SLC23A2: variants seen among roughly 807,000 people sequenced by gnomAD.
SLC23A2 encodes solute carrier family 23 member 2, also known as Na(+)/L-ascorbic acid transporter 2.
In SLC23A2, 36 loss-of-function variants were observed where a neutral mutation model predicts 73.3. That is an observed-to-expected ratio of 0.49 (90% CI 0.38 to 0.65). The LOEUF (loss-of-function observed/expected upper bound fraction) is 0.65, where lower values mean the gene tolerates loss of function less well. Ranked by LOEUF, SLC23A2 falls within the 30% of genes least tolerant of loss-of-function variation. The probability of loss-of-function intolerance (pLI) is 0.00; values close to 1 mark genes in which losing one functional copy is unlikely to be tolerated. For synonymous variants in SLC23A2, 343 were observed against 327.3 expected (o/e 1.05, Z -0.52); for missense variants, 507 against 841.6 (o/e 0.60, Z 4.92).
chr20:4,936,689 C>T (rs760140065), intron 2 of SLC23A2, among the ~76,000 whole-genome samples: 6 of 152,196 alleles, frequency 3.9e-5, no homozygotes, highest in Non-Finnish European at 8.8e-5. Flanking sequence ...CAGCAAACCC[C>T]TCCCCACCGT....
At chr20:4,960,138 C>T (rs1477862121) in intron 2 of SLC23A2, among the ~76,000 whole-genome samples, 1 of 152,182 alleles carries the variant, frequency 6.6e-6, no homozygotes, top group Non-Finnish European at 1.5e-5. Context: ...AAACAACATT[C>T]ACCTTTAACT....
chr20:4,869,950 T>C lies in SLC23A2; in HGVS notation c.1206A>G (p.Ala402=), dbSNP rs367624524. The part of the protein sequence containing the change: ...IESIGDYYAC[A]RLSCAPPPPI... ...GGGGGGGTGGGGCACAGGACAGCCG[T>C]GCACAGGCGTAGTAGTCACCAATAG... Residue 402 remains alanine, a synonymous_variant, in exon 12 of 17, where the codon GCA becomes GCG. Transcript: ENST00000338244. 5.6e-6 allele frequency: 9 copies of C among 1,613,644 alleles called. No homozygotes were observed. Among genetic ancestry groups the C allele is most frequent in the Non-Finnish European group, 7.6e-6 (9 of 1,179,858 alleles).
chr20:4,998,256 G>A lies in SLC23A2; in HGVS notation c.-282+3150C>T, dbSNP rs2088056764. Among the ~76,000 whole-genome samples the A allele has an allele frequency of 6.6e-6, 1 of 151,998 alleles. No individual in the cohort carries two copies. Among genetic ancestry groups the A allele is most frequent in the Admixed American group, 6.6e-5 (1 of 15,242 alleles). On this transcript the variant is annotated intron_variant, in intron 1 of 16. Transcript: ENST00000338244. The surrounding 1 kb of genome is among the most constrained non-coding windows in gnomAD (Gnocchi z 4.1). ...CATTGTCCACATCCCTACAGTGTGGGCTCCATGTGGGCTGGGAATCTCCCT... is the reference window on the plus strand; with the variant it reads ...CATTGTCCACATCCCTACAGTGTGGACTCCATGTGGGCTGGGAATCTCCCT...
chr20:4,934,952 T>C (rs1394618345), intron 2 of SLC23A2, among the ~76,000 whole-genome samples: 4 of 147,594 alleles, frequency 2.7e-5, no homozygotes, highest in Non-Finnish European at 6.0e-5. Flanking sequence ...CTTTGGGAGG[T>C]GGAGGTGGGC....
intron 3 of SLC23A2, among the ~76,000 whole-genome samples, chr20:4,927,905 C>T (rs1053898993): frequency 1.3e-5 from 2 of 152,118 alleles, no homozygotes; most frequent in Non-Finnish European, 2.9e-5. Context: ...GGGAAGCGAC[C>T]CACTGTAACT....
In SLC23A2 at chr20:4,862,881, G is replaced by A. The variant is rs756072858; in HGVS notation, c.1383C>T (p.Cys461=). 4.3e-6 allele frequency: 7 copies of A among 1,613,404 alleles called. No homozygotes were observed. The South Asian group carries it at 6.6e-5, about 15-fold the overall frequency. ...TKVGSRRVIQ[C]GAALMLALGM... is the part of the protein sequence containing the mutation. Reference sequence around the variant, plus strand: ...CCAGAGCGAGCATGAGGGCTGCTCCGCACTGTATCACGCGGCGGCTGCCGA... The same window carrying A: ...CCAGAGCGAGCATGAGGGCTGCTCCACACTGTATCACGCGGCGGCTGCCGA... The change falls in exon 14 of 17, where the codon TGC becomes TGT. Residue 461 remains cysteine, a synonymous_variant. Coordinates refer to ENST00000338244, the MANE Select transcript of SLC23A2 (RefSeq NM_005116.6). The surrounding 1 kb of genome is among the most constrained non-coding windows in gnomAD (Gnocchi z 5.1).
At chr20:4,969,980 AAGG>A (rs1350937626) in intron 2 of SLC23A2, among the ~76,000 whole-genome samples, 1 of 152,156 alleles carries the variant, frequency 6.6e-6, no homozygotes, top group Non-Finnish European at 1.5e-5. Context: ...GAAACAACAG[AAGG>A]AGGAAAAAAA....
At chr20:4,972,521 C>G (rs12480138) in intron 1 of SLC23A2, among the ~76,000 whole-genome samples, 59,394 of 149,612 alleles carry the variant, frequency 0.4, 12,034 homozygotes, top group Admixed American at 0.47. Flanking sequence ...AAAATAAAAT[C>G]TCTACACATA....
upstream of SLC23A2, among the ~76,000 whole-genome samples, chr20:5,002,394 T>A (rs764665435): frequency 6.6e-5 from 10 of 152,220 alleles, no homozygotes; most frequent in Non-Finnish European, 1.3e-4. Flanking sequence ...GAATACAATT[T>A]TTTAAATGTT....
chr20:4,925,016 C>CA lies in SLC23A2; in HGVS notation c.108+7438dup, dbSNP rs879292300. Among the ~76,000 whole-genome samples, 293 of 138,338 alleles carry CA rather than the reference C, an allele frequency of 2.1e-3. 4 individuals carry two copies. Among genetic ancestry groups the CA allele is most frequent in the Admixed American group, 4.9e-3 (67 of 13,672 alleles). 90.8% of individuals were successfully genotyped at this position (138,338 alleles called of 152,430 possible). ...TGACATAGTTAAGACCTTGTCTCTACAAAAAAAAAAAATTAAAAATCAGCT... is the reference window on the plus strand; with the variant it reads ...TGACATAGTTAAGACCTTGTCTCTACAAAAAAAAAAAAATTAAAAATCAGCT... On this transcript the variant is annotated intron_variant, in intron 3 of 16. Coordinates refer to ENST00000338244, the MANE Select transcript of SLC23A2 (RefSeq NM_005116.6).
intron 2 of SLC23A2, among the ~76,000 whole-genome samples, chr20:4,956,951 G>C (rs546505512): frequency 6.6e-6 from 1 of 152,094 alleles, no homozygotes; most frequent in Non-Finnish European, 1.5e-5. Context: ...GGGATTACAG[G>C]CATGTGCCAC....
Position 4,883,773 on chromosome 20 carries a change from G to A in SLC23A2, c.693C>T (p.Leu231=), listed in dbSNP as rs34568477. 45,215 of 1,613,560 alleles carry A rather than the reference G, an allele frequency of 0.028. 1,630 individuals are homozygous for A. The highest frequency in any genetic ancestry group is 0.17 in the African/African-American group (12,891 of 74,952). The change falls in exon 9 of 17, where the codon CTC becomes CTT. Residue 231 remains leucine, a synonymous_variant. Transcript: ENST00000338244. The surrounding 1 kb of genome is among the most constrained non-coding windows in gnomAD (Gnocchi z 4.5). ...TCAGTAGAGCCCCAGGCAGGCCGAGGAGGCCGATGACTACTTCTATCAGTG... is the reference window on the plus strand; with the variant it reads ...TCAGTAGAGCCCCAGGCAGGCCGAGAAGGCCGATGACTACTTCTATCAGTG... ...MSSLIEVVIG[L]LGLPGALLKY...
chr20:4,991,132 G>C (rs773691094), intron 1 of SLC23A2, among the ~76,000 whole-genome samples: 2 of 152,022 alleles, frequency 1.3e-5, no homozygotes, highest in Non-Finnish European at 2.9e-5. Context: ...TTTGAGCAGG[G>C]TGTCTCCCTC....
At chr20:5,009,833 C>T (rs1334014524) in intron 1 of SLC23A2, among the ~76,000 whole-genome samples, 1 of 152,138 alleles carries the variant, frequency 6.6e-6, no homozygotes, top group African/African-American at 2.4e-5. Context: ...CGGTGGCTCA[C>T]GCCTGTAATC....
chr20:4,886,491 A>C (rs1296860401), intron 6 of SLC23A2, among the ~76,000 whole-genome samples: 1 of 152,178 alleles, frequency 6.6e-6, no homozygotes, highest in Non-Finnish European at 1.5e-5. Context: ...AAAATACTTA[A>C]AGACATTCTA....
chr20:4,952,421 T>C (rs145306273), intron 2 of SLC23A2, among the ~76,000 whole-genome samples: 1 of 152,222 alleles, frequency 6.6e-6, no homozygotes, highest in East Asian at 1.9e-4. Flanking sequence ...AAACACAAAC[T>C]GAGGGAAAGG....
At chr20:4,923,525 T>G (rs545485736) in intron 3 of SLC23A2, among the ~76,000 whole-genome samples, 1 of 152,190 alleles carries the variant, frequency 6.6e-6, no homozygotes, top group African/African-American at 2.4e-5. Flanking sequence ...CTTACAGAAA[T>G]AGGAGAATTA....
intron 2 of SLC23A2, among the ~76,000 whole-genome samples, chr20:4,963,417 C>T (rs2087423842): frequency 6.6e-6 from 1 of 152,062 alleles, no homozygotes; most frequent in African/African-American, 2.4e-5. Flanking sequence ...GCTTCAGGAC[C>T]CCTTAGTCAC....
intron 1 of SLC23A2, among the ~76,000 whole-genome samples, chr20:4,978,876 A>AC (rs2087684316): frequency 6.6e-6 from 1 of 152,188 alleles, no homozygotes; most frequent in Admixed American, 6.5e-5. Context: ...ACGGATGCCG[A>AC]TTTTTAAACA....
Sources: gnomAD v4.1 joint callset for allele counts (sites outside exome capture counted in the v4.1 genomes callset) on GRCh38, gnomAD v4.1.1 for gene constraint, Gnocchi (gnomAD v3.1) non-coding constraint, MANE v1.5 for transcripts, NCBI Gene and HGNC (gene_info 2026-07-23, HGNC 2026-07-21) for gene names.